PTPRJ: variants seen among roughly 807,000 people sequenced by gnomAD.
PTPRJ encodes the protein receptor-type tyrosine-protein phosphatase eta.
In PTPRJ, 129 loss-of-function variants were observed where a neutral mutation model predicts 141.3. The ratio of observed to expected loss-of-function variants is 0.91; its 90% CI spans 0.79 to 1.06. The LOEUF (loss-of-function observed/expected upper bound fraction) is 1.06. Ranked by LOEUF, PTPRJ falls within the 50% of genes least tolerant of loss-of-function variation. PTPRJ has a pLI of 0.00. For missense variants in PTPRJ, 1,601 were observed against 1,679.7 expected (o/e 0.95, Z 0.82); for synonymous variants, 610 against 640.5 (o/e 0.95, Z 0.72).
At chr11:48,026,046 T>C (rs1853800909) in intron 1 of PTPRJ, among the ~76,000 whole-genome samples, 1 of 152,190 alleles carries the variant, frequency 6.6e-6, no homozygotes, top group Non-Finnish European at 1.5e-5. Flanking sequence ...ACTCTGTAAA[T>C]TTGGAATAAA....
At chr11:48,125,381 T>G (rs747017704) in intron 6 of PTPRJ, among the ~76,000 whole-genome samples, 195 bp downstream of exon 6, 6 of 152,182 alleles carry the variant, frequency 3.9e-5, no homozygotes, top group Admixed American at 6.5e-5. Flanking sequence ...CATCTCTCAT[T>G]AAGTGAAATC....
chr11:48,118,438 T>C (rs978972588), intron 3 of PTPRJ, among the ~76,000 whole-genome samples: 2 of 152,146 alleles, frequency 1.3e-5, no homozygotes, highest in African/African-American at 4.8e-5. Context: ...CTTCCAAAAA[T>C]TGAGGAGGAG....
chr11:48,033,480 T>C (rs1590421447), intron 1 of PTPRJ, among the ~76,000 whole-genome samples: 1 of 152,104 alleles, frequency 6.6e-6, no homozygotes, highest in African/African-American at 2.4e-5. Context: ...GGCCAGGTGG[T>C]GCATGTGTCC....
chr11:48,024,189 T>C (rs1389669685), intron 1 of PTPRJ, among the ~76,000 whole-genome samples: 1 of 151,736 alleles, frequency 6.6e-6, no homozygotes, highest in Non-Finnish European at 1.5e-5. Flanking sequence ...CACACTTACA[T>C]TTTTTTTCTT....
chr11:48,041,450 C>T (rs7129454), intron 1 of PTPRJ, among the ~76,000 whole-genome samples: 10,402 of 152,208 alleles, frequency 0.068, 1,140 homozygotes, highest in African/African-American at 0.23. Context: ...CATAGCGTTA[C>T]TACAAACTTC....
chr11:48,034,120 G>A (rs1854062242), intron 1 of PTPRJ, among the ~76,000 whole-genome samples: 2 of 152,248 alleles, frequency 1.3e-5, no homozygotes, highest in South Asian at 2.1e-4. Flanking sequence ...CCTGTCCTTT[G>A]GCCCATGCTG....
intron 12 of PTPRJ, among the ~76,000 whole-genome samples, chr11:48,143,830 C>T (rs1857290686): frequency 7.4e-6 from 1 of 134,740 alleles, no homozygotes; most frequent in African/African-American, 2.7e-5. Context: ...TCCTCCCCCT[C>T]CCCTCTCCTC....
intron 1 of PTPRJ, among the ~76,000 whole-genome samples, chr11:48,077,029 G>A (rs756479051): frequency 3.9e-5 from 6 of 152,000 alleles, no homozygotes; most frequent in East Asian, 1.9e-4. Flanking sequence ...CACTATGCCC[G>A]GCTAATTTTG....
intron 10 of PTPRJ, among the ~76,000 whole-genome samples, chr11:48,137,691 A>T (rs1453014492): frequency 2.6e-5 from 4 of 152,106 alleles, no homozygotes; most frequent in Non-Finnish European, 5.9e-5. Context: ...CAGCATCACC[A>T]CTGTATCTGG....
chr11:48,055,318 C>G (rs532257393), intron 1 of PTPRJ, among the ~76,000 whole-genome samples: 7 of 152,316 alleles, frequency 4.6e-5, no homozygotes, highest in African/African-American at 1.7e-4. Context: ...TGGCAGCAGG[C>G]TGCATTTTTG....
rs377571417 is a variant in PTPRJ at position 48,123,711 on chromosome 11, C to T, written c.715C>T (p.Leu239Phe). The stretch of plus-strand genomic sequence containing the variant: ...CAATGGCACTGCCTCCTGCCGGGTT[C>T]TTCTTGAAAGCATTGGAAGCCATGA... ...NGNGTASCRV[L>F]LESIGSHEEL... The change falls in exon 5 of 25, where the codon CTT becomes TTT. Residue 239 changes from leucine to phenylalanine, a missense_variant. Transcript: ENST00000418331. The T allele has an allele frequency of 9.1e-5, 147 of 1,614,022 alleles. No individual in the cohort carries two copies. The highest frequency in any genetic ancestry group is 1.2e-4 in the Non-Finnish European group (143 of 1,180,042).
chr11:48,160,570 C>T (rs1457693276), intron 22 of PTPRJ, among the ~76,000 whole-genome samples: 1 of 152,082 alleles, frequency 6.6e-6, no homozygotes, highest in Non-Finnish European at 1.5e-5. Context: ...TTTTCTTTTT[C>T]AAGGATGCTT....
At chr11:48,074,564 C>T (rs966475364) in intron 1 of PTPRJ, among the ~76,000 whole-genome samples, 17 of 152,166 alleles carry the variant, frequency 1.1e-4, no homozygotes, top group Admixed American at 5.2e-4. Context: ...CTTTCTGAGC[C>T]TTAATCTAAT....
At chr11:48,021,408 TAAATAAA>T (rs1352547272) in intron 1 of PTPRJ, among the ~76,000 whole-genome samples, 2 of 121,828 alleles carry the variant, frequency 1.6e-5, no homozygotes, top group Non-Finnish European at 3.2e-5. Flanking sequence ...AATAAATAAA[TAAATAAA>T]TAAATAAAAT....
chr11:48,138,939 C>T (rs1857167592), intron 10 of PTPRJ, among the ~76,000 whole-genome samples: 1 of 152,172 alleles, frequency 6.6e-6, no homozygotes, highest in Admixed American at 6.5e-5. Context: ...TCGAGACCAT[C>T]CTGGCTAACA....
At chr11:48,024,583 A>G (rs1000183158) in intron 1 of PTPRJ, among the ~76,000 whole-genome samples, 1 of 152,146 alleles carries the variant, frequency 6.6e-6, no homozygotes, top group African/African-American at 2.4e-5. Context: ...TAGTGGAGTC[A>G]GTTTCCTTGC....
rs533901117 is a variant in PTPRJ at position 48,107,368 on chromosome 11, G to A, written c.97-2690G>A. ...AATGAACAAGGCTGGAAGGCTCACC[G>A]GCGAGGGGTTTCCCCTCAGGAAAGG... On this transcript the variant is annotated intron_variant, in intron 1 of 24. Transcript: ENST00000418331. 2.0e-4 allele frequency among the ~76,000 whole-genome samples: 30 copies of A among 152,272 alleles called. No individual in the cohort carries two copies. The East Asian group carries it at 4.1e-3, about 21-fold the overall frequency.
intron 1 of PTPRJ, among the ~76,000 whole-genome samples, chr11:48,072,313 T>C (rs1229005606): frequency 6.6e-6 from 1 of 152,190 alleles, no homozygotes; most frequent in Non-Finnish European, 1.5e-5. Context: ...TGCTGTGCTA[T>C]CCCATGGCAG....
intron 1 of PTPRJ, among the ~76,000 whole-genome samples, chr11:47,998,154 G>A (rs565660639): frequency 1.3e-5 from 2 of 151,766 alleles, no homozygotes; most frequent in African/African-American, 4.8e-5. Flanking sequence ...ATTTCATGAG[G>A]TTTTTCTGAG....
Sources: gnomAD v4.1 joint callset for allele counts (sites outside exome capture counted in the v4.1 genomes callset) on GRCh38, gnomAD v4.1.1 for gene constraint, MANE v1.5 for transcripts, NCBI Gene and HGNC (gene_info 2026-07-23, HGNC 2026-07-21) for gene names.